The following NRXN3 variants were observed in gnomAD, a reference collection of about 807,000 sequenced individuals.
NRXN3 encodes neurexin III.
Under a neutral mutation model 137.6 loss-of-function variants are expected in NRXN3, and 32 were observed. That is an observed-to-expected ratio of 0.23 (90% CI 0.18 to 0.31). The LOEUF (loss-of-function observed/expected upper bound fraction) is 0.31. NRXN3 is among the 10% of genes least tolerant of loss of function. The pLI, the probability that NRXN3 is intolerant of heterozygous loss-of-function variation, is 1.00. For synonymous variants in NRXN3, 798 were observed against 784.5 expected (o/e 1.02, Z -0.29); for missense variants, 1,574 against 2,062.5 (o/e 0.76, Z 4.59).
rs148050649 is a variant in NRXN3 at position 79,483,043 on chromosome 14, T to C, written c.3444+15641T>C. On this transcript the variant is annotated intron_variant, in intron 16 of 20. Transcript: ENST00000335750. ...TGTGCACATTAAACACATGCAAACA[T>C]TGGACTGAAACAGACACAGTAAGTC... Among the ~76,000 whole-genome samples the C allele has an allele frequency of 4.0e-3, 614 of 152,344 alleles. 1 individual carries two copies. Among genetic ancestry groups the C allele is most frequent in the African/African-American group, 0.014 (575 of 41,584 alleles).
intron 10 of NRXN3, among the ~76,000 whole-genome samples, chr14:78,879,897 G>T (rs1038348910): frequency 6.6e-6 from 1 of 152,182 alleles, no homozygotes; most frequent in Admixed American, 6.5e-5. Context: ...TTTTGCATTA[G>T]TCAAGGTTCT....
intron 15 of NRXN3, among the ~76,000 whole-genome samples, chr14:79,260,117 A>G (rs527935964): frequency 6.6e-6 from 1 of 152,068 alleles, no homozygotes; most frequent in Non-Finnish European, 1.5e-5. Flanking sequence ...CTTGTCTAAT[A>G]TTTTTGATAT....
intron 15 of NRXN3, among the ~76,000 whole-genome samples, chr14:79,379,519 G>A (rs368279869): frequency 1.3e-5 from 2 of 152,264 alleles, no homozygotes; most frequent in East Asian, 3.9e-4. Context: ...CTTTCTGCAA[G>A]TGGACACTCT....
Position 79,189,734 on chromosome 14 carries a change from T to G in NRXN3, c.3262+201593T>G, listed in dbSNP as rs553214422. 1.1e-4 allele frequency among the ~76,000 whole-genome samples: 16 copies of G among 152,272 alleles called. No individual in the cohort carries two copies. In the South Asian group the frequency reaches 3.1e-3, roughly 30 times the overall value. On this transcript the variant is annotated intron_variant, in intron 15 of 20. Transcript: ENST00000335750. Reference sequence around the variant, plus strand: ...AACTTTCTGCGGTGACACAGAACAGTGAAAACTGTAAGTCAGTCTATGGTG... The same window carrying G: ...AACTTTCTGCGGTGACACAGAACAGGGAAAACTGTAAGTCAGTCTATGGTG...
chr14:79,395,632 C>T (rs2094996113), intron 15 of NRXN3, among the ~76,000 whole-genome samples: 2 of 151,794 alleles, frequency 1.3e-5, no homozygotes, highest in East Asian at 3.9e-4. Flanking sequence ...CATGGTGAAA[C>T]CCCATCTCTA....
intron 16 of NRXN3, among the ~76,000 whole-genome samples, chr14:79,542,874 C>CT (rs900990086): frequency 2.2e-5 from 3 of 136,950 alleles, no homozygotes; most frequent in African/African-American, 7.5e-5. Context: ...AAGTGAGTGA[C>CT]TTTTTTGGTG....
chr14:78,914,579 A>G (rs766871819), intron 10 of NRXN3, among the ~76,000 whole-genome samples: 4 of 151,804 alleles, frequency 2.6e-5, no homozygotes, highest in Non-Finnish European at 5.9e-5. Context: ...CAGGAAAAGC[A>G]TTGCAAACAG....
At chr14:79,614,520 T>C (rs2098135559) in intron 16 of NRXN3, among the ~76,000 whole-genome samples, 1 of 152,214 alleles carries the variant, frequency 6.6e-6, no homozygotes, top group African/African-American at 2.4e-5. Flanking sequence ...TACCGCCGAA[T>C]ATAGATCCCC....
rs943849623 is a variant in NRXN3 at position 78,170,638 on chromosome 14, T to G, written c.-740T>G. 1 of 152,154 alleles carries G rather than the reference T, an allele frequency of 6.6e-6. No homozygotes were observed. Among genetic ancestry groups the G allele is most frequent in the African/African-American group, 2.4e-5 (1 of 41,428 alleles). The allele number at this position is 152,154 out of a possible 1,614,324, so 9.4% of individuals were successfully genotyped here. A position where few individuals can be genotyped will look rare whatever the true frequency, so the allele number is the denominator to read the frequency against. ...CAGTTGATTAAACATCAAACAGACA[T>G]ACAGACAGATCCCAAATCTTCTGTT... On this transcript the variant is annotated 5_prime_UTR_variant, in exon 1 of 21. Coordinates refer to ENST00000335750, the MANE Select transcript of NRXN3 (RefSeq NM_001330195.2).
chr14:79,502,501 C>A, intron 16 of NRXN3, among the ~76,000 whole-genome samples: 1 of 151,990 alleles, frequency 6.6e-6, no homozygotes, highest in African/African-American at 2.4e-5. Context: ...CATTCATATT[C>A]TCTCTCTCGC....
At chr14:79,084,103 TG>T (rs1210687893) in intron 15 of NRXN3, among the ~76,000 whole-genome samples, 1 of 151,908 alleles carries the variant, frequency 6.6e-6, no homozygotes, top group East Asian at 1.9e-4. Context: ...TTTGTAGAGA[TG>T]GGGGCCTCTA....
At chr14:78,281,914 T>C (rs2074460808) in intron 3 of NRXN3, among the ~76,000 whole-genome samples, 2 of 152,182 alleles carry the variant, frequency 1.3e-5, no homozygotes, top group African/African-American at 4.8e-5. Context: ...GTGTCCTATT[T>C]GTGTCTGCAT....
chr14:78,220,412 A>T (rs978382263), intron 1 of NRXN3, among the ~76,000 whole-genome samples: 1 of 152,124 alleles, frequency 6.6e-6, no homozygotes, highest in African/African-American at 2.4e-5. Flanking sequence ...TGCAGCAGGA[A>T]GGCCTGGGAG....
chr14:78,478,462 C>A (rs1015609841), intron 4 of NRXN3, among the ~76,000 whole-genome samples: 1 of 152,048 alleles, frequency 6.6e-6, no homozygotes, highest in African/African-American at 2.4e-5. Flanking sequence ...TATTGATTAT[C>A]TCTCTGTTGA....
intron 4 of NRXN3, among the ~76,000 whole-genome samples, chr14:78,320,064 T>G (rs2079143253): frequency 6.6e-6 from 1 of 152,192 alleles, no homozygotes; most frequent in Admixed American, 6.5e-5. Context: ...GGTTTCCAGC[T>G]GGCGGTGGCC....
intron 15 of NRXN3, among the ~76,000 whole-genome samples, chr14:79,378,666 T>C (rs2094377680): frequency 6.6e-6 from 1 of 152,180 alleles, no homozygotes; most frequent in South Asian, 2.1e-4. Context: ...GCAGAGACTA[T>C]GTCTGATTCA....
intron 19 of NRXN3, among the ~76,000 whole-genome samples, chr14:79,715,578 C>T (rs1274468972): frequency 4.6e-5 from 7 of 152,188 alleles, no homozygotes; most frequent in Admixed American, 2.0e-4. Context: ...TGGCCACTGC[C>T]TGCTGTGTGG....
At chr14:78,711,296 C>T (rs6574466) in intron 7 of NRXN3, among the ~76,000 whole-genome samples, 147,624 of 151,970 alleles carry the variant, frequency 0.97, 71,769 homozygotes, top group Non-Finnish European at 0.99. Context: ...ACAAATTTTT[C>T]TTTCAAACAA....
At chr14:78,585,804 A>G (rs1427357732) in intron 4 of NRXN3, among the ~76,000 whole-genome samples, 2 of 152,100 alleles carry the variant, frequency 1.3e-5, no homozygotes, top group Non-Finnish European at 2.9e-5. Flanking sequence ...TCAGCTTTGG[A>G]CTTGCATTTC....
Sources: allele counts gnomAD v4.1 joint callset (sites outside exome capture counted in the v4.1 genomes callset), GRCh38; gene constraint gnomAD v4.1.1; transcripts MANE v1.5; gene names NCBI Gene and HGNC (gene_info 2026-07-23, HGNC 2026-07-21).